CNOT6L: variants seen among roughly 807,000 people sequenced by gnomAD.
CNOT6L encodes the protein CCR4-NOT transcription complex subunit 6 like.
In CNOT6L, 7 loss-of-function variants were observed where a neutral mutation model predicts 64.0. That is an observed-to-expected ratio of 0.11 (90% CI 0.06 to 0.21). The LOEUF (loss-of-function observed/expected upper bound fraction) is 0.21. CNOT6L is among the 10% of genes least tolerant of loss of function. CNOT6L has a pLI of 1.00. For missense variants in CNOT6L, 245 were observed against 669.0 expected, an observed-to-expected ratio of 0.37 and a Z score of 6.99; for synonymous variants, 193 against 243.4, an observed-to-expected ratio of 0.79 and a Z score of 1.93.
Position 77,718,967 on chromosome 4 carries a change from T to C in CNOT6L, c.*1464A>G, listed in dbSNP as rs1283663181. 3.9e-5 allele frequency: 6 copies of C among 152,508 alleles called. No homozygotes were observed. Among genetic ancestry groups the C allele is most frequent in the Admixed American group, 6.6e-5 (1 of 15,250 alleles). 9.4% of individuals were successfully genotyped at this position (152,508 alleles called of 1,614,324 possible). ...GAAAATTTCTTGTTTATTAAAAATA[T>C]CACATTTTGAGACTAGAAACAGTAA... On this transcript the variant is annotated 3_prime_UTR_variant, in exon 12 of 12. Transcript: ENST00000504123.
chr4:77,748,595 A>G (rs1724472030), intron 5 of CNOT6L, among the ~76,000 whole-genome samples: 2 of 152,188 alleles, frequency 1.3e-5, no homozygotes, highest in Non-Finnish European at 2.9e-5. Flanking sequence ...AGAAAATAAC[A>G]TTAGGAAATT....
At position 77,714,048 on chromosome 4, in the gene CNOT6L, A is replaced by C. The variant is rs1720465034; in HGVS notation, c.*6383T>G. On this transcript the variant is annotated 3_prime_UTR_variant, in exon 12 of 12. Transcript: ENST00000504123. The stretch of plus-strand genomic sequence containing the variant: ...GCAAAGTAAATATACAACCTAAAAC[A>C]GCAGAATTTGTTTTGGAATAGTATC... 6.6e-6 allele frequency: 1 copy of C among 152,646 alleles called. No homozygotes were observed. 9.5% of individuals were successfully genotyped at this position (152,646 alleles called of 1,614,324 possible).
In CNOT6L at chr4:77,774,703, G is replaced by A. The variant is rs1384585267; in HGVS notation, c.141C>T (p.Ser47=). 1 of 1,587,730 alleles carries A rather than the reference G, an allele frequency of 6.3e-7. No homozygotes were observed. The highest frequency in any genetic ancestry group is 8.6e-7 in the Non-Finnish European group (1 of 1,169,576). Reference sequence around the variant, plus strand: ...TCAATGACCAAAGTGATGTACTTAGGCTCCGCACTCTACCTAAAAGGCAAA... The same window carrying A: ...TCAATGACCAAAGTGATGTACTTAGACTCCGCACTCTACCTAAAAGGCAAA... ...AELEISGRVR[S]LSTSLWSLTH... is the part of the protein sequence containing the mutation. Residue 47 remains serine (S), a synonymous_variant, in exon 3 of 12, where the codon AGC becomes AGT. Coordinates refer to ENST00000504123, the MANE Select transcript of CNOT6L (RefSeq NM_144571.3).
chr4:77,780,992 A>T (rs950669004), intron 1 of CNOT6L, among the ~76,000 whole-genome samples: 2 of 152,194 alleles, frequency 1.3e-5, no homozygotes, highest in Non-Finnish European at 2.9e-5. Context: ...ATAAAAAAAC[A>T]TGCAGCCATA....
chr4:77,734,527 T>G (rs1428436657), intron 8 of CNOT6L, among the ~76,000 whole-genome samples: 1 of 152,200 alleles, frequency 6.6e-6, no homozygotes, highest in Non-Finnish European at 1.5e-5. Flanking sequence ...GTATTTTAAC[T>G]AATGCCGTAA....
rs770884007 is a variant in CNOT6L, at chr4:77,742,243, C to T, written c.770G>A (p.Arg257His). 1.9e-5 allele frequency: 31 copies of T among 1,612,800 alleles called. No individual in the cohort carries two copies. The highest frequency in any genetic ancestry group is 1.2e-4 in the Admixed American group (7 of 59,904). The change falls in exon 8 of 12, where the codon CGT (arginine) becomes CAT (histidine). Residue 257 changes from arginine to histidine, a missense_variant. Physicochemically the swap from Arg to His is conservative, Grantham distance 29. Transcript: ENST00000504123. The stretch of plus-strand genomic sequence containing the variant: ...TGGAGAAAAAAATCCATCATATCCA[C>T]GCTCCTTCAATGCTGGCAGAAAGAG... ...FTLFLPALKERGYDGFFSPKS... is the reference protein window; with the variant it reads ...FTLFLPALKEHGYDGFFSPKS...
intron 1 of CNOT6L, among the ~76,000 whole-genome samples, chr4:77,817,429 GT>G (rs1733701353): frequency 6.6e-6 from 1 of 152,116 alleles, no homozygotes; most frequent in Admixed American, 6.5e-5. Flanking sequence ...GTTTGCAAAG[GT>G]TCTTCAATGC....
chr4:77,727,320 T>C (rs116081680), intron 10 of CNOT6L, among the ~76,000 whole-genome samples: 1,608 of 152,184 alleles, frequency 0.011, 31 homozygotes, highest in African/African-American at 0.037. Flanking sequence ...CCCAACACTT[T>C]GAGAGGCCGA....
At chr4:77,734,984 T>C (rs941997238) in intron 8 of CNOT6L, among the ~76,000 whole-genome samples, 1 of 152,168 alleles carries the variant, frequency 6.6e-6, no homozygotes, top group African/African-American at 2.4e-5. Context: ...TCATATATGT[T>C]AGTCCTAAAA....
Position 77,776,827 on chromosome 4 carries a change from T to C in CNOT6L, c.6-435A>G, listed in dbSNP as rs544936005. ...GACATTCCCCTTGCAGAGATTTAGT[T>C]CAGGAGTATCTAATAATCACAAAAC... On this transcript the variant is annotated intron_variant, in intron 1 of 11. Transcript: ENST00000504123. Among the ~76,000 whole-genome samples, 8 of 152,342 alleles carry C rather than the reference T, an allele frequency of 5.3e-5. No individual in the cohort carries two copies. The East Asian group carries it at 1.5e-3, about 29-fold the overall frequency.
At chr4:77,792,262 C>T (rs569354775) in intron 1 of CNOT6L, among the ~76,000 whole-genome samples, 7 of 152,144 alleles carry the variant, frequency 4.6e-5, no homozygotes, top group African/African-American at 1.7e-4. Flanking sequence ...GATAACCTCC[C>T]TAGGTGCCTA....
At chr4:77,781,140 T>C (rs916726104) in intron 1 of CNOT6L, among the ~76,000 whole-genome samples, 10 of 151,412 alleles carry the variant, frequency 6.6e-5, no homozygotes, top group Non-Finnish European at 1.2e-4. Context: ...TGAGAACACA[T>C]GGACACAGGG....
chr4:77,748,240 T>G, intron 6 of CNOT6L, 76 bp downstream of exon 6: 2 of 997,596 alleles, frequency 2.0e-6, no homozygotes, highest in Admixed American at 3.6e-5. Flanking sequence ...GAAGTCTTAT[T>G]TATTACAGAT....
At chr4:77,753,901 T>A (rs1725151430) in intron 5 of CNOT6L, among the ~76,000 whole-genome samples, 1 of 138,558 alleles carries the variant, frequency 7.2e-6, no homozygotes, top group African/African-American at 2.7e-5. Context: ...CTACTCATGT[T>A]AAAAAAAAAA....
intron 5 of CNOT6L, among the ~76,000 whole-genome samples, chr4:77,753,743 A>G (rs959010433): frequency 1.3e-5 from 2 of 152,168 alleles, no homozygotes; most frequent in Non-Finnish European, 2.9e-5. Context: ...ATAAAAAGAT[A>G]ATAATTTATC....
At chr4:77,809,128 A>C (rs1465674043) in intron 1 of CNOT6L, among the ~76,000 whole-genome samples, 2 of 152,150 alleles carry the variant, frequency 1.3e-5, no homozygotes, top group Non-Finnish European at 2.9e-5. Context: ...GAGAAAACTG[A>C]AGCATAGAGA....
intron 1 of CNOT6L, among the ~76,000 whole-genome samples, chr4:77,782,351 T>C (rs2110083767): frequency 6.6e-6 from 1 of 152,234 alleles, no homozygotes; most frequent in Non-Finnish European, 1.5e-5. Flanking sequence ...TTGTTGTTTT[T>C]AGACAAGGTC....
chr4:77,750,173 T>C (rs1167947236), intron 5 of CNOT6L, among the ~76,000 whole-genome samples: 1 of 152,230 alleles, frequency 6.6e-6, no homozygotes, highest in African/African-American at 2.4e-5. Context: ...TCTGCTGGTA[T>C]AATTTTTGTA....
At chr4:77,773,969 T>C (rs1039387129) in intron 3 of CNOT6L, among the ~76,000 whole-genome samples, 1 of 152,110 alleles carries the variant, frequency 6.6e-6, no homozygotes, top group Non-Finnish European at 1.5e-5. Flanking sequence ...TAAAACAATA[T>C]GTTTAAACAC....
Sources: gnomAD v4.1 joint callset for allele counts (sites outside exome capture counted in the v4.1 genomes callset) on GRCh38, gnomAD v4.1.1 for gene constraint, MANE v1.5 for transcripts, NCBI Gene and HGNC (gene_info 2026-07-23, HGNC 2026-07-21) for gene names.